Variants in PPARA observed in about 807,000 individuals in gnomAD.
PPARA encodes the protein peroxisome proliferator activated receptor alpha.
Under a neutral mutation model 42.2 loss-of-function variants are expected in PPARA, and 22 were observed. That is an observed-to-expected ratio of 0.52 (90% CI 0.37 to 0.74). The LOEUF (loss-of-function observed/expected upper bound fraction) is 0.74. PPARA is among the 30% of genes least tolerant of loss of function. PPARA has a pLI of 0.00. For synonymous variants in PPARA, 242 were observed against 239.3 expected, an observed-to-expected ratio of 1.01 and a Z score of -0.10; for missense variants, 465 against 608.2, an observed-to-expected ratio of 0.76 and a Z score of 2.48.
intron 2 of PPARA, chr22:46,154,988 T>TAAAAAAAAAAAA (rs71190699): frequency 3.2e-5 from 1 of 31,002 alleles, no homozygotes; most frequent in African/African-American, 1.1e-4. Flanking sequence ...GGTCTTTCTT[T>TAAAAAAAAAAAA]AAAAAAAAAA....
intron 2 of PPARA, among the ~76,000 whole-genome samples, chr22:46,169,600 T>C (rs1204572488): frequency 6.6e-6 from 1 of 151,968 alleles, no homozygotes; most frequent in Non-Finnish European, 1.5e-5. Flanking sequence ...GACCTCTCTG[T>C]ACTTTCCACT....
At position 46,171,748 on chromosome 22, in the gene PPARA, G is replaced by A. The variant is rs182846307; in HGVS notation, c.-126-5005G>A. ...AGGAGAAAGAGGTCAGGAGGTCCCA[G>A]GGGAGAGGCAGGACCAGTCTCGTGG... On this transcript the variant is annotated intron_variant, in intron 2 of 8. Transcript: ENST00000407236. This position sits in a 1 kb window ranked among gnomAD's most constrained non-coding sequence, Gnocchi z 5.0. Among the ~76,000 whole-genome samples the A allele has an allele frequency of 6.6e-6, 1 of 152,324 alleles. No homozygotes were observed. Among genetic ancestry groups the A allele is most frequent in the Non-Finnish European group, 1.5e-5 (1 of 68,024 alleles).
Position 46,152,579 on chromosome 22 carries a change from A to G in PPARA, c.-127+609A>G, listed in dbSNP as rs533132480. 7.2e-5 allele frequency among the ~76,000 whole-genome samples: 11 copies of G among 152,276 alleles called. 1 individual carries two copies. The South Asian group carries it at 2.3e-3, about 32-fold the overall frequency. On this transcript the variant is annotated intron_variant, in intron 2 of 8. Coordinates refer to ENST00000407236, the MANE Select transcript of PPARA (RefSeq NM_005036.6). ...CTTACTAGACCCTTGGGATGTCCACACTGACTGGTACCGAGTAGTGTACTG... is the reference window on the plus strand; with the variant it reads ...CTTACTAGACCCTTGGGATGTCCACGCTGACTGGTACCGAGTAGTGTACTG...
In PPARA at chr22:46,191,142, C is replaced by T. The variant is rs1931487373; in HGVS notation, c.-42-7200C>T. ...CGGGAGGCGTGGGGTTGCAGTGAGC[C>T]GAGATTGCACAACTGCACTCCAGCC... On this transcript the variant is annotated intron_variant, in intron 3 of 8. Transcript: ENST00000407236. The surrounding 1 kb of genome is among the most constrained non-coding windows in gnomAD (Gnocchi z 4.6). Among the ~76,000 whole-genome samples, 2 of 151,996 alleles carry T rather than the reference C, an allele frequency of 1.3e-5. No homozygotes were observed. The highest frequency in any genetic ancestry group is 2.1e-4 in the South Asian group (1 of 4,814).
chr22:46,217,589 A>C (rs1200347851), intron 5 of PPARA, among the ~76,000 whole-genome samples: 1 of 152,166 alleles, frequency 6.6e-6, no homozygotes, highest in African/African-American at 2.4e-5. Context: ...GTCTTTAGTC[A>C]CAAATATGGA....
chr22:46,151,526 G>T (rs890226909), intron 1 of PPARA, among the ~76,000 whole-genome samples: 2 of 152,252 alleles, frequency 1.3e-5, no homozygotes, highest in Non-Finnish European at 2.9e-5. Context: ...CTTTTCTGAA[G>T]TCTTTTTTAA....
In PPARA at chr22:46,216,926, G is replaced by C. The variant is rs1311919363; in HGVS notation, c.370-1337G>C. ...AGATCATCATCTGAATGTTTGGTTT[G>C]AATCAGAAATCCCTTCTCACGGTGC... On this transcript the variant is annotated intron_variant, in intron 5 of 8. Coordinates refer to ENST00000407236, the MANE Select transcript of PPARA (RefSeq NM_005036.6). The surrounding 1 kb of genome is among the most constrained non-coding windows in gnomAD (Gnocchi z 4.5). 6.6e-6 allele frequency among the ~76,000 whole-genome samples: 1 copy of C among 152,220 alleles called. No homozygotes were observed. The highest frequency in any genetic ancestry group is 1.9e-4 in the East Asian group (1 of 5,200).
chr22:46,231,652 C>G lies in PPARA; in HGVS notation c.712-140C>G, dbSNP rs1935879424. On this transcript the variant is annotated intron_variant, in intron 7 of 8. Transcript: ENST00000407236. This position sits in a 1 kb window ranked among gnomAD's most constrained non-coding sequence, Gnocchi z 7.7. ...AACCGATTTTGAAGTTGAGTAAGGA[C>G]TATGTTCCGCGGGTATCTTGAGTCC... is the stretch of plus-strand genomic sequence containing the variant. 2.4e-6 allele frequency: 2 copies of G among 830,546 alleles called. No individual in the cohort carries two copies. Among genetic ancestry groups the G allele is most frequent in the Non-Finnish European group, 4.0e-6 (2 of 496,746 alleles). The allele number at this position is 830,546 out of a possible 1,614,324, so 51.4% of individuals were successfully genotyped here. A position where few individuals can be genotyped will look rare whatever the true frequency, so the allele number is the denominator to read the frequency against.
At position 46,150,564 on chromosome 22, in the gene PPARA, G is replaced by T. The variant is rs1924222867; in HGVS notation, c.-298G>T. 1 of 145,754 alleles carries T rather than the reference G, an allele frequency of 6.9e-6. No homozygotes were observed. Among genetic ancestry groups the T allele is most frequent in the African/African-American group, 2.5e-5 (1 of 40,720 alleles). 9.0% of individuals were successfully genotyped at this position (145,754 alleles called of 1,614,324 possible). ...CCCCGCGGCGGGGGCAGCGGGCGGC[G>T]GGGGCGGAGGCGGCCGCTAGCGCCC... On this transcript the variant is annotated 5_prime_UTR_variant, in exon 1 of 9. Transcript: ENST00000407236. The surrounding 1 kb of genome is among the most constrained non-coding windows in gnomAD (Gnocchi z 7.5).
Position 46,235,532 on chromosome 22 carries a change from CAT to C in PPARA, c.*155_*156del, listed in dbSNP as rs1352719110. 1 of 1,031,690 alleles carries C rather than the reference CAT, an allele frequency of 9.7e-7. No homozygotes were observed. Among genetic ancestry groups the C allele is most frequent in the East Asian group, 2.6e-5 (1 of 38,376 alleles). The allele number at this position is 1,031,690 out of a possible 1,614,324, so 63.9% of individuals were successfully genotyped here. ...GCTGTAGGTAACCGGCATATTATTC[CAT>C]ATCTTTGTTTTAACCAGTACTTCTA... On this transcript the variant is annotated 3_prime_UTR_variant, in exon 9 of 9. Transcript: ENST00000407236. This position sits in a 1 kb window ranked among gnomAD's most constrained non-coding sequence, Gnocchi z 7.0.
chr22:46,177,280 T>A (rs1036678931), intron 3 of PPARA, among the ~76,000 whole-genome samples: 2 of 152,066 alleles, frequency 1.3e-5, no homozygotes, highest in Non-Finnish European at 2.9e-5. Flanking sequence ...TTTACTATTT[T>A]ATTGAGCATT....
At chr22:46,207,520 T>C (rs1305670579) in intron 4 of PPARA, among the ~76,000 whole-genome samples, 2 of 150,476 alleles carry the variant, frequency 1.3e-5, no homozygotes, top group East Asian at 3.9e-4. Context: ...CCTGACCTCA[T>C]GATCCGCCCA....
rs1932956360 is a variant in PPARA at position 46,203,478 on chromosome 22, A to G, written c.208+4887A>G. ...AGTGTACAATCTGTTGGGTGTACAC[A>G]CACACGCATCTGTGAAACCATCATC... On this transcript the variant is annotated intron_variant, in intron 4 of 8. Transcript: ENST00000407236. The surrounding 1 kb of genome is among the most constrained non-coding windows in gnomAD (Gnocchi z 5.8). Among the ~76,000 whole-genome samples, 1 of 152,202 alleles carries G rather than the reference A, an allele frequency of 6.6e-6. No homozygotes were observed. The highest frequency in any genetic ancestry group is 2.4e-5 in the African/African-American group (1 of 41,458).
rs58793791 is a variant in PPARA, at chr22:46,159,415, T to G, written c.-127+7445T>G. ...TGCTTGAGTTGTACGATTGTCGTTTTTTTCCCCCCACTTTGACAACTGTTA... is the reference window on the plus strand; with the variant it reads ...TGCTTGAGTTGTACGATTGTCGTTTGTTTCCCCCCACTTTGACAACTGTTA... On this transcript the variant is annotated intron_variant, in intron 2 of 8. Coordinates refer to ENST00000407236, the MANE Select transcript of PPARA (RefSeq NM_005036.6). Among the ~76,000 whole-genome samples the G allele has an allele frequency of 6.4e-3, 975 of 152,266 alleles. 7 individuals carry two copies. Among genetic ancestry groups the G allele is most frequent in the African/African-American group, 0.022 (926 of 41,542 alleles).
At chr22:46,228,616 C>G (rs910036098) in intron 7 of PPARA, among the ~76,000 whole-genome samples, 1 of 152,174 alleles carries the variant, frequency 6.6e-6, no homozygotes, top group Non-Finnish European at 1.5e-5. Flanking sequence ...TGCATTTGTC[C>G]TGGGAGATGC....
chr22:46,220,086 CAT>C (rs750065585), intron 7 of PPARA, 72 bp downstream of exon 7: 41 of 1,514,328 alleles, frequency 2.7e-5, no homozygotes, highest in East Asian at 2.3e-4. Context: ...ATTAAGGACA[CAT>C]GTGTTGAATG....
Position 46,240,353 on chromosome 22 carries a change from C to G in PPARA, c.*4973C>G. 2.5e-6 allele frequency: 1 copy of G among 397,412 alleles called. No homozygotes were observed. The highest frequency in any genetic ancestry group is 4.4e-6 in the Non-Finnish European group (1 of 225,534). The allele number at this position is 397,412 out of a possible 1,614,324, so 24.6% of individuals were successfully genotyped here. ...CTGGTCCCCAGGCACGGTGCACTTT[C>G]TCCACCTCCTGCAGCCTCCCTGTTG... is the stretch of plus-strand genomic sequence containing the variant. On this transcript the variant is annotated 3_prime_UTR_variant, in exon 9 of 9. Coordinates refer to ENST00000407236, the MANE Select transcript of PPARA (RefSeq NM_005036.6). This position sits in a 1 kb window ranked among gnomAD's most constrained non-coding sequence, Gnocchi z 6.0.
intron 4 of PPARA, among the ~76,000 whole-genome samples, chr22:46,205,268 G>A (rs966488432): frequency 6.6e-6 from 1 of 151,364 alleles, no homozygotes; most frequent in Non-Finnish European, 1.5e-5. Flanking sequence ...CCAGGCTGGA[G>A]TTCAGTGGCA....
rs565099013 is a variant in PPARA, at chr22:46,185,043, C to T, written c.-43+8207C>T. Among the ~76,000 whole-genome samples the T allele has an allele frequency of 8.8e-4, 134 of 152,176 alleles. 1 individual carries two copies. The highest frequency in any genetic ancestry group is 1.7e-3 in the Non-Finnish European group (116 of 68,008). The stretch of plus-strand genomic sequence containing the variant: ...CCCTTGCAATCTGGAAATTCATGCC[C>T]ATCATTTCTGAGAAGTTATCCTGAA... On this transcript the variant is annotated intron_variant, in intron 3 of 8. Transcript: ENST00000407236.
Sources: gnomAD v4.1 joint callset for allele counts (sites outside exome capture counted in the v4.1 genomes callset) on GRCh38, gnomAD v4.1.1 for gene constraint, Gnocchi (gnomAD v3.1) non-coding constraint, MANE v1.5 for transcripts, NCBI Gene and HGNC (gene_info 2026-07-23, HGNC 2026-07-21) for gene names.